EPM2A: variants seen among roughly 807,000 people sequenced by gnomAD.
EPM2A encodes EPM2A glucan phosphatase, laforin.
EPM2A carries 21 observed loss-of-function variants against 26.5 expected under a neutral mutation model. That is an observed-to-expected ratio of 0.79 (90% CI 0.56 to 1.14). The LOEUF (loss-of-function observed/expected upper bound fraction) is 1.14, where lower values mean the gene tolerates loss of function less well. Ranked by LOEUF, EPM2A falls within the 50% of genes most tolerant of loss-of-function variation. EPM2A has a pLI of 0.00. For synonymous variants in EPM2A, 217 were observed against 177.6 expected (o/e 1.22, Z -1.76); for missense variants, 458 against 440.8 (o/e 1.04, Z -0.35).
intron 2 of EPM2A, among the ~76,000 whole-genome samples, chr6:145,611,035 T>C (rs1775381480): frequency 6.6e-6 from 1 of 152,212 alleles, no homozygotes; most frequent in Non-Finnish European, 1.5e-5. Flanking sequence ...GAAAATTAAC[T>C]CATGACTAAG....
intron 4 of EPM2A, among the ~76,000 whole-genome samples, chr6:145,465,310 T>C (rs1252435838): frequency 6.6e-6 from 1 of 150,666 alleles, no homozygotes; most frequent in Non-Finnish European, 1.5e-5. Context: ...AGCCTTGGTT[T>C]TCAGCTCCAT....
At chr6:145,603,876 T>C (rs1781448697) in intron 2 of EPM2A, among the ~76,000 whole-genome samples, 1 of 152,200 alleles carries the variant, frequency 6.6e-6, no homozygotes, top group Admixed American at 6.5e-5. Flanking sequence ...TCCACGTTTT[T>C]TTATTTGTAA....
At chr6:145,666,769 C>A (rs1779232088) in intron 2 of EPM2A, among the ~76,000 whole-genome samples, 1 of 150,396 alleles carries the variant, frequency 6.6e-6, no homozygotes, top group Non-Finnish European at 1.5e-5. Flanking sequence ...AACTATACTA[C>A]AAGGCTACAG....
chr6:145,494,626 C>T (rs962968981), intron 4 of EPM2A, among the ~76,000 whole-genome samples: 4 of 152,090 alleles, frequency 2.6e-5, no homozygotes, highest in African/African-American at 9.7e-5. Context: ...GCATTTAGTC[C>T]TATAAATTTC....
intron 2 of EPM2A, among the ~76,000 whole-genome samples, chr6:145,522,234 G>C (rs1033006791): frequency 6.6e-6 from 1 of 152,164 alleles, no homozygotes; most frequent in African/African-American, 2.4e-5. Context: ...TTACAGGCAT[G>C]AGCCACCGCG....
intron 2 of EPM2A, among the ~76,000 whole-genome samples, chr6:145,656,927 T>C (rs938491285): frequency 2.0e-5 from 3 of 151,774 alleles, no homozygotes; most frequent in Non-Finnish European, 2.9e-5. Flanking sequence ...TTTGCTTTTA[T>C]GTTTATTTAT....
At chr6:145,395,315 C>A (rs1778390128) in intron 4 of EPM2A, among the ~76,000 whole-genome samples, 1 of 152,164 alleles carries the variant, frequency 6.6e-6, no homozygotes, top group Non-Finnish European at 1.5e-5. Flanking sequence ...TCACCCCCTA[C>A]TCTGGGACAC....
chr6:145,714,389 T>C (rs975880957), intron 1 of EPM2A, among the ~76,000 whole-genome samples: 1 of 152,216 alleles, frequency 6.6e-6, no homozygotes, highest in Non-Finnish European at 1.5e-5. Flanking sequence ...AAATCAATTT[T>C]ACTACTATAG....
At chr6:145,640,195 G>A (rs974729183) in intron 2 of EPM2A, 1 of 152,180 alleles carries the variant, frequency 6.6e-6, no homozygotes, top group African/African-American at 2.4e-5. Flanking sequence ...CAGACAGAAT[G>A]ACCATCCAAG....
intron 4 of EPM2A, among the ~76,000 whole-genome samples, chr6:145,415,740 T>C (rs532297347): frequency 7.2e-5 from 11 of 152,326 alleles, no homozygotes; most frequent in Admixed American, 2.0e-4. Flanking sequence ...TGATGATTAC[T>C]TTGTTCCTCA....
intron 2 of EPM2A, among the ~76,000 whole-genome samples, chr6:145,655,181 G>T (rs1778179082): frequency 9.6e-6 from 1 of 104,436 alleles, no homozygotes; most frequent in African/African-American, 4.1e-5. Flanking sequence ...GTGTGATTTT[G>T]CTGTGAAAAA....
At chr6:145,584,613 C>T (rs1259278250) in intron 2 of EPM2A, among the ~76,000 whole-genome samples, 1 of 152,156 alleles carries the variant, frequency 6.6e-6, no homozygotes, top group Non-Finnish European at 1.5e-5. Flanking sequence ...TCAAGTGTCC[C>T]TGGGGGTCAT....
At chr6:145,451,923 C>T (rs1387082523) in intron 4 of EPM2A, among the ~76,000 whole-genome samples, 1 of 152,168 alleles carries the variant, frequency 6.6e-6, no homozygotes, top group Admixed American at 6.5e-5. Context: ...AGACCAAAAG[C>T]GTTGGGAGCT....
intron 2 of EPM2A, among the ~76,000 whole-genome samples, chr6:145,545,776 C>T (rs957962044): frequency 6.6e-6 from 1 of 152,130 alleles, no homozygotes; most frequent in South Asian, 2.1e-4. Flanking sequence ...CTTCCCAGCT[C>T]CAGCCATACT....
chr6:145,489,672 C>A (rs1267642299), intron 4 of EPM2A: 2 of 1,356,872 alleles, frequency 1.5e-6, no homozygotes, highest in Admixed American at 1.7e-5. Flanking sequence ...CATTCTCTGC[C>A]TTTTCAGCTT....
intron 3 of EPM2A, chr6:145,629,510 C>CA (rs1776085129): frequency 6.6e-6 from 1 of 152,276 alleles, no homozygotes; most frequent in Non-Finnish European, 1.5e-5. Context: ...GAGAGCACTG[C>CA]ATGGCAGATC....
chr6:145,735,296 G>T lies in EPM2A; in HGVS notation c.203C>A (p.Ala68Asp). 1 of 1,433,892 alleles carries T rather than the reference G, an allele frequency of 7.0e-7. No homozygotes were observed. The allele number at this position is 1,433,892 out of a possible 1,614,324, so 88.8% of individuals were successfully genotyped here. A position where few individuals can be genotyped will look rare whatever the true frequency, so the allele number is the denominator to read the frequency against. The change falls in exon 1 of 4, where the codon GCC becomes GAC. Residue 68 changes from alanine to aspartate, a missense_variant. Transcript: ENST00000367519. ...CGCCCCGTCCTGCGCCGCCTCCTCG[G>T]CCGCCAGCTCCACCTCCCCGAGCCA... ...GLWLGEVELA[A>D]EEAAQDGAEP...
intron 4 of EPM2A, among the ~76,000 whole-genome samples, chr6:145,413,585 A>G (rs1035821513): frequency 2.0e-5 from 3 of 152,122 alleles, no homozygotes; most frequent in Non-Finnish European, 2.9e-5. Context: ...ACTCAGGGTG[A>G]CCGTGCAATC....
intron 4 of EPM2A, among the ~76,000 whole-genome samples, chr6:145,473,504 G>C (rs1406677891): frequency 6.6e-6 from 1 of 151,994 alleles, no homozygotes. Context: ...TACTCAAAGG[G>C]ATAATAACAG....
Sources: gnomAD v4.1 joint callset for allele counts (sites outside exome capture counted in the v4.1 genomes callset) on GRCh38, gnomAD v4.1.1 for gene constraint, MANE v1.5 for transcripts, NCBI Gene and HGNC (gene_info 2026-07-23, HGNC 2026-07-21) for gene names.